Variants in PDCL2 observed in about 807,000 individuals in gnomAD.
The protein encoded by PDCL2 is phosducin-like protein 2.
A neutral mutation model predicts 30.3 loss-of-function variants in PDCL2; 23 were observed. The ratio of observed to expected loss-of-function variants is 0.76; its 90% CI spans 0.55 to 1.08. The LOEUF (loss-of-function observed/expected upper bound fraction) is 1.08, where lower values mean the gene tolerates loss of function less well. PDCL2 is among the 50% of genes least tolerant of loss of function. The probability of loss-of-function intolerance (pLI) is 0.00; values close to 1 mark genes in which losing one functional copy is unlikely to be tolerated. For synonymous variants in PDCL2, 68 were observed against 86.2 expected, an observed-to-expected ratio of 0.79 and a Z score of 1.17; for missense variants, 243 against 282.3, an observed-to-expected ratio of 0.86 and a Z score of 1.00.
chr4:55,571,642 GT>G (rs1414846828), intron 3 of PDCL2, among the ~76,000 whole-genome samples: 6 of 52,216 alleles, frequency 1.1e-4, no homozygotes, highest in African/African-American at 3.4e-4. Context: ...AGCTGAGATT[GT>G]GCCACTGCAC....
chr4:55,556,604 T>A lies in PDCL2; in HGVS notation c.679A>T (p.Ile227Phe). Residue 227 changes from isoleucine (I) to phenylalanine (F), a missense_variant, in exon 6 of 6, where the codon ATT becomes TTT. Transcript: ENST00000295645. ...MMVSSIRNTS[I>F]HDDSDSSNSD... ...TTGGAGCTATCACTGTCATCATGAA[T>A]AGAAGTGTTTCTAATTGAAGATACC... 1 of 1,575,364 alleles carries A rather than the reference T, an allele frequency of 6.3e-7. No individual in the cohort carries two copies. Among genetic ancestry groups the A allele is most frequent in the Non-Finnish European group, 8.6e-7 (1 of 1,157,176 alleles).
chr4:55,558,568 C>T (rs944782454), intron 5 of PDCL2, among the ~76,000 whole-genome samples: 3 of 152,198 alleles, frequency 2.0e-5, no homozygotes, highest in South Asian at 2.1e-4. Context: ...TTATTAGCAG[C>T]GTGAAAATAG....
intron 3 of PDCL2, among the ~76,000 whole-genome samples, chr4:55,580,615 T>C (rs1035836321): frequency 2.0e-5 from 3 of 152,150 alleles, no homozygotes; most frequent in Non-Finnish European, 2.9e-5. Flanking sequence ...ATTGGATAAT[T>C]TTCTATTAAA....
intron 3 of PDCL2, among the ~76,000 whole-genome samples, chr4:55,577,739 T>C (rs1004610583): frequency 6.6e-6 from 1 of 152,220 alleles, no homozygotes; most frequent in Non-Finnish European, 1.5e-5. Context: ...TTTTTGATCA[T>C]ACATTATATT....
chr4:55,558,398 T>C (rs1285157970), intron 5 of PDCL2, among the ~76,000 whole-genome samples: 1 of 152,190 alleles, frequency 6.6e-6, no homozygotes, highest in Admixed American at 6.5e-5. Flanking sequence ...CCCACTTCAC[T>C]TAGCTCTCAT....
intron 1 of PDCL2, among the ~76,000 whole-genome samples, chr4:55,583,404 G>C (rs1446030072): frequency 6.6e-6 from 1 of 152,152 alleles, no homozygotes; most frequent in Non-Finnish European, 1.5e-5. Flanking sequence ...TTGCTGTGCA[G>C]AAGCTTTTTA....
At chr4:55,577,968 T>A (rs1297204971) in intron 3 of PDCL2, among the ~76,000 whole-genome samples, 1 of 152,198 alleles carries the variant, frequency 6.6e-6, no homozygotes, top group Non-Finnish European at 1.5e-5. Context: ...GTTCTCCTCC[T>A]TTGCTGGGGT....
At chr4:55,563,685 G>A (rs1252859990) in intron 4 of PDCL2, among the ~76,000 whole-genome samples, 2 of 152,178 alleles carry the variant, frequency 1.3e-5, no homozygotes, top group Non-Finnish European at 2.9e-5. Context: ...CCTCCAATGG[G>A]GGACAGAAGC....
chr4:55,583,328 G>A (rs1732775955), intron 1 of PDCL2, among the ~76,000 whole-genome samples: 1 of 152,196 alleles, frequency 6.6e-6, no homozygotes, highest in South Asian at 2.1e-4. Flanking sequence ...GCCATGTCAA[G>A]TGTATTGCTT....
intron 1 of PDCL2, among the ~76,000 whole-genome samples, chr4:55,587,382 A>G (rs968891356): frequency 6.6e-6 from 1 of 152,080 alleles, no homozygotes; most frequent in Non-Finnish European, 1.5e-5. Flanking sequence ...TGAATTTTGG[A>G]GCAGACACAC....
At chr4:55,586,139 C>T (rs1732860281) in intron 1 of PDCL2, among the ~76,000 whole-genome samples, 1 of 152,074 alleles carries the variant, frequency 6.6e-6, no homozygotes, top group Non-Finnish European at 1.5e-5. Context: ...CTGCTGCCTT[C>T]CATAGGTTTT....
In PDCL2 at chr4:55,569,716, A is replaced by T; in HGVS notation, c.362+2T>A. 1 of 1,518,132 alleles carries T rather than the reference A, an allele frequency of 6.6e-7. No homozygotes were observed. The highest frequency in any genetic ancestry group is 1.3e-5 in the South Asian group (1 of 77,026). 94.0% of individuals were successfully genotyped at this position (1,518,132 alleles called of 1,614,324 possible). A position where few individuals can be genotyped will look rare whatever the true frequency, so the allele number is the denominator to read the frequency against. ...AACATTTTGAAATATTATGGTAATT[A>T]CCTTGATCTGTATAGATGAATTATA... On this transcript the variant is annotated splice_donor_variant, in intron 4 of 5. Coordinates refer to ENST00000295645, the MANE Select transcript of PDCL2 (RefSeq NM_152401.3). LOFTEE classifies it high-confidence loss of function.
intron 1 of PDCL2, among the ~76,000 whole-genome samples, chr4:55,585,890 C>T (rs888018866): frequency 1.3e-5 from 2 of 152,182 alleles, no homozygotes; most frequent in East Asian, 3.9e-4. Flanking sequence ...AGCTGTAAGG[C>T]CTCCTCTTTT....
At chr4:55,571,202 T>C (rs1732414322) in intron 3 of PDCL2, among the ~76,000 whole-genome samples, 1 of 152,086 alleles carries the variant, frequency 6.6e-6, no homozygotes, top group Non-Finnish European at 1.5e-5. Flanking sequence ...GAAACCATAA[T>C]GGAAGCCTTA....
intron 3 of PDCL2, among the ~76,000 whole-genome samples, chr4:55,579,316 ATTTGT>A (rs1477690184): frequency 1.3e-5 from 2 of 151,738 alleles, no homozygotes. Flanking sequence ...AATAGTATTT[ATTTGT>A]TTTTTGTTTG....
At chr4:55,562,379 T>C (rs1732155661) in intron 5 of PDCL2, 25 bp downstream of exon 5, 1 of 1,370,110 alleles carries the variant, frequency 7.3e-7, no homozygotes, top group South Asian at 1.9e-5. Context: ...CCTATCATTT[T>C]TATAAACAAA....
intron 4 of PDCL2, among the ~76,000 whole-genome samples, chr4:55,564,461 A>G (rs535190034): frequency 1.3e-5 from 2 of 152,374 alleles, no homozygotes; most frequent in South Asian, 4.1e-4. Context: ...TAACATCACA[A>G]AACAAGTTAA....
chr4:55,561,638 G>C (rs1271141885), intron 5 of PDCL2, among the ~76,000 whole-genome samples: 1 of 152,160 alleles, frequency 6.6e-6, no homozygotes, highest in Non-Finnish European at 1.5e-5. Context: ...ACAATGGTGA[G>C]AGAAAATGAT....
chr4:55,567,683 C>A (rs994917844), intron 4 of PDCL2, among the ~76,000 whole-genome samples: 1 of 152,150 alleles, frequency 6.6e-6, no homozygotes, highest in Non-Finnish European at 1.5e-5. Flanking sequence ...AATATATTGC[C>A]AGTCACTAAT....
Sources: allele counts gnomAD v4.1 joint callset (sites outside exome capture counted in the v4.1 genomes callset), GRCh38; gene constraint gnomAD v4.1.1; transcripts MANE v1.5; gene names NCBI Gene and HGNC (gene_info 2026-07-23, HGNC 2026-07-21).